Variants in MARCHF1 observed in about 807,000 individuals in gnomAD.
MARCHF1 encodes the protein E3 ubiquitin-protein ligase MARCHF1.
Under a neutral mutation model 54.2 loss-of-function variants are expected in MARCHF1, and 40 were observed. The ratio of observed to expected loss-of-function variants is 0.74; its 90% CI spans 0.57 to 0.96. The LOEUF (loss-of-function observed/expected upper bound fraction) is 0.96, where lower values mean the gene tolerates loss of function less well. Ranked by LOEUF, MARCHF1 falls within the 40% of genes least tolerant of loss-of-function variation. The pLI is 0.00. For missense variants in MARCHF1, 586 were observed against 656.5 expected (o/e 0.89, Z 1.17); for synonymous variants, 236 against 236.3 (o/e 1.00, Z 0.01).
chr4:163,736,341 C>G (rs1746032818), intron 4 of MARCHF1, among the ~76,000 whole-genome samples: 1 of 152,084 alleles, frequency 6.6e-6, no homozygotes, highest in Admixed American at 6.5e-5. Context: ...GTGGCATTGA[C>G]AGCATGCATA....
chr4:163,582,545 C>T (rs1197630248), intron 8 of MARCHF1, among the ~76,000 whole-genome samples: 1 of 152,188 alleles, frequency 6.6e-6, no homozygotes, highest in Non-Finnish European at 1.5e-5. Flanking sequence ...TTATACCTTA[C>T]TACTTTAAGA....
rs115575192 is a variant in MARCHF1 at position 164,365,107 on chromosome 4, G to C, written c.-323+18763C>G. ...CTATGTCTTCATCATTCCCTGCCACGAATAGAGTAACAGATTCTTGGACTG... is the reference window on the plus strand; with the variant it reads ...CTATGTCTTCATCATTCCCTGCCACCAATAGAGTAACAGATTCTTGGACTG... On this transcript the variant is annotated intron_variant, in intron 1 of 9. Transcript: ENST00000514618. Among the ~76,000 whole-genome samples the C allele has an allele frequency of 8.1e-3, 1,226 of 152,020 alleles. 16 individuals are homozygous for C. Among genetic ancestry groups the C allele is most frequent in the African/African-American group, 0.027 (1,125 of 41,510 alleles).
intron 3 of MARCHF1, among the ~76,000 whole-genome samples, chr4:163,956,949 A>G (rs1752243968): frequency 1.3e-5 from 2 of 152,074 alleles, no homozygotes; most frequent in Non-Finnish European, 2.9e-5. Flanking sequence ...CAGAAGATTT[A>G]TTCACTTTAT....
In MARCHF1 at chr4:163,661,267, C is replaced by T. The variant is rs573529676; in HGVS notation, c.162+39546G>A. 2.6e-5 allele frequency among the ~76,000 whole-genome samples: 4 copies of T among 152,054 alleles called. No individual in the cohort carries two copies. The South Asian group carries it at 8.3e-4, about 31-fold the overall frequency. Reference sequence around the variant, plus strand: ...TCTATGATCTTCCCTGAAATTCATCCCTCATCTTGCTAGAAGTTATATTTT... The same window carrying T: ...TCTATGATCTTCCCTGAAATTCATCTCTCATCTTGCTAGAAGTTATATTTT... On this transcript the variant is annotated intron_variant, in intron 5 of 9. Transcript: ENST00000514618.
intron 1 of MARCHF1, among the ~76,000 whole-genome samples, chr4:164,357,632 T>G (rs1730600433): frequency 6.6e-6 from 1 of 152,140 alleles, no homozygotes; most frequent in Admixed American, 6.5e-5. Flanking sequence ...GTAATGCAAT[T>G]AAATACACTT....
intron 5 of MARCHF1, among the ~76,000 whole-genome samples, chr4:163,648,311 T>TTAA (rs1477546750): frequency 6.6e-6 from 1 of 151,920 alleles, no homozygotes; most frequent in Non-Finnish European, 1.5e-5. Flanking sequence ...AGTTTCAAGA[T>TTAA]ATTAGGCTTG....
At position 163,682,091 on chromosome 4, in the gene MARCHF1, G is replaced by A. The variant is rs541528576; in HGVS notation, c.162+18722C>T. 2.8e-4 allele frequency among the ~76,000 whole-genome samples: 43 copies of A among 152,330 alleles called. 2 individuals carry two copies. The South Asian group carries it at 8.7e-3, about 31-fold the overall frequency. On this transcript the variant is annotated intron_variant, in intron 5 of 9. Transcript: ENST00000514618. ...GGCTGAGCTGGTCTCAGATGGAGATGAGGAACTTGTTGGGAACTATAAAAG... is the reference window on the plus strand; with the variant it reads ...GGCTGAGCTGGTCTCAGATGGAGATAAGGAACTTGTTGGGAACTATAAAAG...
intron 1 of MARCHF1, among the ~76,000 whole-genome samples, chr4:164,339,233 G>A (rs753960947): frequency 5.9e-5 from 9 of 152,250 alleles, no homozygotes; most frequent in South Asian, 2.1e-4. Flanking sequence ...GGACCTCACA[G>A]ACACATACAG....
intron 1 of MARCHF1, among the ~76,000 whole-genome samples, chr4:164,203,874 C>A (rs561786891): frequency 2.3e-4 from 35 of 152,222 alleles, no homozygotes; most frequent in African/African-American, 8.2e-4. Flanking sequence ...TGGGAAGTAA[C>A]TGGGTTACAA....
intron 1 of MARCHF1, among the ~76,000 whole-genome samples, chr4:164,202,997 G>C (rs187333115): frequency 1.3e-5 from 2 of 152,026 alleles, no homozygotes; most frequent in Admixed American, 1.3e-4. Context: ...GGGAGAAAGA[G>C]AGAGAGAGAG....
chr4:163,869,365 A>G (rs1343754), intron 3 of MARCHF1, among the ~76,000 whole-genome samples: 78,470 of 151,836 alleles, frequency 0.52, 20,792 homozygotes, highest in Admixed American at 0.63. Context: ...GGTAAATCCC[A>G]ATAACAAGGG....
At chr4:164,356,625 A>C (rs1342921571) in intron 1 of MARCHF1, among the ~76,000 whole-genome samples, 2 of 119,708 alleles carry the variant, frequency 1.7e-5, no homozygotes, top group Non-Finnish European at 3.5e-5. Flanking sequence ...GGGTGGGGGG[A>C]GTGGGGAGGG....
intron 1 of MARCHF1, among the ~76,000 whole-genome samples, chr4:164,115,242 G>A (rs1210138845): frequency 1.3e-5 from 2 of 152,024 alleles, no homozygotes; most frequent in African/African-American, 4.8e-5. Context: ...GCAATAATCA[G>A]TCATGAGCAA....
rs553657432 is a variant in MARCHF1 at position 163,752,844 on chromosome 4, C to T, written c.112-51981G>A. ...CACTATGTTGTTGAAAACTAGAGTT[C>T]GACAACATCAAATCTTGGCAAGAAT... On this transcript the variant is annotated intron_variant, in intron 4 of 9. Coordinates refer to ENST00000514618, the MANE Select transcript of MARCHF1 (RefSeq NM_001394959.1). 2.8e-4 allele frequency among the ~76,000 whole-genome samples: 42 copies of T among 152,180 alleles called. 1 individual carries two copies. Among genetic ancestry groups the T allele is most frequent in the Admixed American group, 5.9e-4 (9 of 15,292 alleles).
intron 5 of MARCHF1, among the ~76,000 whole-genome samples, chr4:163,672,311 G>A (rs775172986): frequency 2.0e-5 from 3 of 151,980 alleles, no homozygotes; most frequent in Non-Finnish European, 4.4e-5. Flanking sequence ...GGGTACATGT[G>A]AAGGTTTGTT....
intron 1 of MARCHF1, among the ~76,000 whole-genome samples, chr4:164,188,003 A>T (rs1731016879): frequency 6.6e-6 from 1 of 152,190 alleles, no homozygotes; most frequent in Non-Finnish European, 1.5e-5. Flanking sequence ...ACATGGGCTC[A>T]GAAATTCTGA....
intron 3 of MARCHF1, among the ~76,000 whole-genome samples, chr4:163,975,017 T>A (rs766586311): frequency 6.6e-6 from 1 of 152,128 alleles, no homozygotes. Flanking sequence ...TGCCTTTAGA[T>A]TAAAACTAGA....
intron 3 of MARCHF1, among the ~76,000 whole-genome samples, chr4:163,940,204 A>C (rs1560828371): frequency 6.6e-6 from 1 of 152,168 alleles, no homozygotes; most frequent in Non-Finnish European, 1.5e-5. Flanking sequence ...AAAACAAAGA[A>C]ATAAATTTCT....
At chr4:164,351,701 C>T (rs911946980) in intron 1 of MARCHF1, among the ~76,000 whole-genome samples, 123 of 151,940 alleles carry the variant, frequency 8.1e-4, no homozygotes, top group African/African-American at 2.7e-3. Flanking sequence ...AAAAGCAGAG[C>T]GCCTCTCCGC....
Sources: allele counts gnomAD v4.1 joint callset (sites outside exome capture counted in the v4.1 genomes callset), GRCh38; gene constraint gnomAD v4.1.1; transcripts MANE v1.5; gene names NCBI Gene and HGNC (gene_info 2026-07-23, HGNC 2026-07-21).